MYO9B: variants seen among roughly 807,000 people sequenced by gnomAD.
The protein encoded by MYO9B is myosin IXB.
Under a neutral mutation model 229.5 loss-of-function variants are expected in MYO9B, and 71 were observed. The observed-to-expected ratio is 0.31, with a 90% CI of 0.26 to 0.38. The LOEUF is 0.38. Ranked by LOEUF, MYO9B falls within the 10% of genes least tolerant of loss-of-function variation. The pLI, the probability that MYO9B is intolerant of heterozygous loss-of-function variation, is 1.00. For synonymous variants in MYO9B, 1,185 were observed against 1,235.8 expected (o/e 0.96, Z 0.86); for missense variants, 2,255 against 2,920.5 (o/e 0.77, Z 5.25).
intron 1 of MYO9B, among the ~76,000 whole-genome samples, chr19:17,090,118 C>CTTGTTT (rs2057622859): frequency 2.0e-5 from 1 of 49,176 alleles, no homozygotes; most frequent in Non-Finnish European, 3.7e-5. Flanking sequence ...TGCTTCCTTC[C>CTTGTTT]TTTTTTTTTT....
At chr19:17,177,635 A>C (rs566977145) in intron 14 of MYO9B, 2 of 146,950 alleles carry the variant, frequency 1.4e-5, no homozygotes, top group Non-Finnish European at 1.5e-5. Context: ...GAGCCACCAC[A>C]CCCAGTCCTC....
At chr19:17,145,324 T>C (rs1399034807) in intron 2 of MYO9B, 73 bp from the exon 3 acceptor site, 32 of 1,337,300 alleles carry the variant, frequency 2.4e-5, no homozygotes, top group Admixed American at 3.6e-5. Flanking sequence ...AAGCACAGTG[T>C]AAAATGAGAG....
chr19:17,174,036 T>C (rs1042860990), intron 13 of MYO9B, among the ~76,000 whole-genome samples: 1 of 140,580 alleles, frequency 7.1e-6, no homozygotes, highest in African/African-American at 2.7e-5. Context: ...TTTTTTTTTT[T>C]TTTTTTTTTT....
At chr19:17,200,614 C>T (rs1411519289) in intron 25 of MYO9B, 25 bp from the exon 26 acceptor site, 1 of 1,593,364 alleles carries the variant, frequency 6.3e-7, no homozygotes, top group Non-Finnish European at 8.5e-7. Flanking sequence ...CCCACCCTCA[C>T]CGGCTGCTTC....
At chr19:17,186,084 C>G in intron 18 of MYO9B, 83 bp downstream of exon 18, 5 of 1,264,232 alleles carry the variant, frequency 4.0e-6, no homozygotes, top group Non-Finnish European at 5.8e-6. Flanking sequence ...CAGCCCCAGC[C>G]TCCACGCAGT....
intron 1 of MYO9B, among the ~76,000 whole-genome samples, chr19:17,088,646 A>T (rs936506193): frequency 2.6e-5 from 4 of 152,044 alleles, no homozygotes; most frequent in Non-Finnish European, 5.9e-5. Context: ...TCTGCAGTGG[A>T]TTCTTGGAAG....
intron 5 of MYO9B, 36 bp downstream of exon 5, chr19:17,154,102 T>C (rs2072511215): frequency 8.9e-6 from 14 of 1,572,852 alleles, no homozygotes; most frequent in Admixed American, 1.7e-5. Context: ...AAACGCCACC[T>C]CTGTTCCCGG....
intron 1 of MYO9B, among the ~76,000 whole-genome samples, chr19:17,078,465 A>G (rs2057506136): frequency 6.6e-6 from 1 of 152,156 alleles, no homozygotes; most frequent in Non-Finnish European, 1.5e-5. Flanking sequence ...GCTTGAACCC[A>G]GGAGGCGGAG....
chr19:17,130,137 G>A (rs1400200513), intron 2 of MYO9B, among the ~76,000 whole-genome samples: 1 of 152,126 alleles, frequency 6.6e-6, no homozygotes, highest in African/African-American at 2.4e-5. Flanking sequence ...ATGTTACCAG[G>A]CATTCCAACC....
At chr19:17,183,923 C>A in intron 16 of MYO9B, 55 bp downstream of exon 16, 1 of 1,504,320 alleles carries the variant, frequency 6.6e-7, no homozygotes, top group Non-Finnish European at 8.9e-7. Context: ...TGCTTCTCTG[C>A]CCGTCTTGAG....
intron 1 of MYO9B, among the ~76,000 whole-genome samples, chr19:17,091,983 G>T (rs902088933): frequency 2.0e-5 from 3 of 152,230 alleles, no homozygotes; most frequent in African/African-American, 7.2e-5. Flanking sequence ...TCCCAGCAGG[G>T]CTCAGAGGGC....
At chr19:17,132,274 C>T (rs1444889514) in intron 2 of MYO9B, among the ~76,000 whole-genome samples, 2 of 146,838 alleles carry the variant, frequency 1.4e-5, no homozygotes, top group Non-Finnish European at 3.0e-5. Context: ...CAACCTCCAC[C>T]TCCTGGGTTC....
chr19:17,142,568 G>T (rs1413942377), intron 2 of MYO9B, among the ~76,000 whole-genome samples: 1 of 151,930 alleles, frequency 6.6e-6, no homozygotes, highest in Non-Finnish European at 1.5e-5. Context: ...CCAGCAGTGA[G>T]CCCAGAATCC....
intron 18 of MYO9B, among the ~76,000 whole-genome samples, 191 bp downstream of exon 18, chr19:17,186,192 T>C (rs1331996034): frequency 6.6e-6 from 1 of 152,144 alleles, no homozygotes; most frequent in Non-Finnish European, 1.5e-5. Context: ...GGACATCATC[T>C]GGAACATGGA....
chr19:17,191,619 C>T (rs2072986363), intron 20 of MYO9B, among the ~76,000 whole-genome samples: 1 of 152,090 alleles, frequency 6.6e-6, no homozygotes, highest in Non-Finnish European at 1.5e-5. Context: ...GGGAGCATTA[C>T]TCAGCCACCC....
At chr19:17,090,118 C>CTCTTTT (rs2057622813) in intron 1 of MYO9B, among the ~76,000 whole-genome samples, 1 of 49,176 alleles carries the variant, frequency 2.0e-5, no homozygotes, top group East Asian at 6.2e-4. Context: ...TGCTTCCTTC[C>CTCTTTT]TTTTTTTTTT....
At chr19:17,160,897 C>G (rs1422378317) in intron 8 of MYO9B, among the ~76,000 whole-genome samples, 1 of 152,090 alleles carries the variant, frequency 6.6e-6, no homozygotes, top group Non-Finnish European at 1.5e-5. Context: ...CAGGGTTTCA[C>G]CATGCTGGTC....
chr19:17,170,000 G>A (rs1365509948), intron 11 of MYO9B, among the ~76,000 whole-genome samples: 1 of 151,390 alleles, frequency 6.6e-6, no homozygotes, highest in Non-Finnish European at 1.5e-5. Context: ...TTGCCACCAT[G>A]CCCAGCTAAT....
intron 11 of MYO9B, among the ~76,000 whole-genome samples, chr19:17,169,585 T>C (rs1390510042): frequency 2.0e-5 from 3 of 151,972 alleles, no homozygotes; most frequent in African/African-American, 4.8e-5. Context: ...TATTCTCTTA[T>C]GGTTCTGGAA....
Sources: allele counts gnomAD v4.1 joint callset (sites outside exome capture counted in the v4.1 genomes callset), GRCh38; gene constraint gnomAD v4.1.1; transcripts MANE v1.5; gene names NCBI Gene and HGNC (gene_info 2026-07-23, HGNC 2026-07-21).